Variants in NFIA observed in about 807,000 individuals in gnomAD.
NFIA encodes nuclear factor I A.
In NFIA, 8 loss-of-function variants were observed where a neutral mutation model predicts 62.8. That is an observed-to-expected ratio of 0.13 (90% CI 0.07 to 0.23). NFIA has a LOEUF of 0.23. Among genes scored for constraint, NFIA ranks in the 10% least tolerant of loss-of-function variants. The pLI, the probability that NFIA is intolerant of heterozygous loss-of-function variation, is 1.00. For synonymous variants in NFIA, 235 were observed against 238.1 expected (o/e 0.99, Z 0.12); for missense variants, 410 against 642.1 (o/e 0.64, Z 3.91).
intron 2 of NFIA, among the ~76,000 whole-genome samples, chr1:61,244,879 G>A (rs1363096866): frequency 6.6e-6 from 1 of 152,112 alleles, no homozygotes; most frequent in Non-Finnish European, 1.5e-5. Flanking sequence ...ATTTCTACCT[G>A]TCTAGATTTA....
intron 3 of NFIA, among the ~76,000 whole-genome samples, chr1:61,281,348 C>T (rs533986641): frequency 1.4e-4 from 21 of 152,200 alleles, no homozygotes; most frequent in Admixed American, 1.4e-3. Context: ...ACAGTAAGGA[C>T]TCAAAGGAAG....
chr1:61,138,292 C>T (rs1452376376), intron 2 of NFIA, among the ~76,000 whole-genome samples: 1 of 152,090 alleles, frequency 6.6e-6, no homozygotes, highest in African/African-American at 2.4e-5. Context: ...GATAGGGTCT[C>T]ACCATGTTGC....
At chr1:61,306,642 T>C (rs1247388207) in intron 3 of NFIA, among the ~76,000 whole-genome samples, 1 of 152,154 alleles carries the variant, frequency 6.6e-6, no homozygotes, top group Non-Finnish European at 1.5e-5. Context: ...ACCCACTTCT[T>C]CTTTACCACT....
chr1:61,307,444 T>C (rs573385453), intron 3 of NFIA, among the ~76,000 whole-genome samples: 1 of 152,320 alleles, frequency 6.6e-6, no homozygotes, highest in South Asian at 2.1e-4. Context: ...TTCTGTTGTT[T>C]ATAAGCTACT....
At chr1:61,290,099 A>G (rs548945276) in intron 3 of NFIA, among the ~76,000 whole-genome samples, 16 of 141,968 alleles carry the variant, frequency 1.1e-4, no homozygotes, top group African/African-American at 3.2e-4. Context: ...CTTTTTTTCT[A>G]CAGTCTCAAG....
intron 2 of NFIA, chr1:61,248,902 T>C (rs1430126076): frequency 6.6e-6 from 1 of 152,238 alleles, no homozygotes; most frequent in Non-Finnish European, 1.5e-5. Context: ...AATGTAAAGG[T>C]AGCATCTCAT....
At chr1:61,182,012 T>C (rs1055182519) in intron 2 of NFIA, among the ~76,000 whole-genome samples, 3 of 152,238 alleles carry the variant, frequency 2.0e-5, no homozygotes, top group Admixed American at 6.5e-5. Flanking sequence ...CTTTGTCCTT[T>C]TTCTCCTTGG....
intron 3 of NFIA, among the ~76,000 whole-genome samples, chr1:61,281,128 A>G (rs1158539079): frequency 6.6e-6 from 1 of 151,388 alleles, no homozygotes; most frequent in Non-Finnish European, 1.5e-5. Flanking sequence ...TAATACCACT[A>G]CTCGGGAGGC....
At chr1:61,259,243 G>GA (rs59799072) in intron 2 of NFIA, among the ~76,000 whole-genome samples, 1,917 of 152,244 alleles carry the variant, frequency 0.013, 47 homozygotes, top group African/African-American at 0.044. Flanking sequence ...AGCCTTAATT[G>GA]AAAAATGTAT....
At chr1:61,383,718 G>A (rs996028243) in intron 7 of NFIA, among the ~76,000 whole-genome samples, 7 of 152,322 alleles carry the variant, frequency 4.6e-5, no homozygotes, top group Non-Finnish European at 7.3e-5. Context: ...GCGCACATGC[G>A]CGTGCACACA....
intron 3 of NFIA, among the ~76,000 whole-genome samples, chr1:61,322,029 T>C (rs17121960): frequency 0.084 from 12,849 of 152,228 alleles, 702 homozygotes; most frequent in East Asian, 0.2. Flanking sequence ...AATCATGGAT[T>C]AAAATGGGAT....
At chr1:61,346,437 A>C (rs1662230971) in intron 4 of NFIA, among the ~76,000 whole-genome samples, 1 of 152,248 alleles carries the variant, frequency 6.6e-6, no homozygotes, top group Non-Finnish European at 1.5e-5. Flanking sequence ...CAAAAGAAGG[A>C]CTTAATGCCA....
intron 7 of NFIA, among the ~76,000 whole-genome samples, chr1:61,397,941 G>A (rs1053357689): frequency 6.6e-6 from 1 of 152,206 alleles, no homozygotes; most frequent in African/African-American, 2.4e-5. Flanking sequence ...GATATCAAAG[G>A]TGACCAGATT....
intron 3 of NFIA, among the ~76,000 whole-genome samples, chr1:61,328,923 A>G (rs377444379): frequency 7.2e-6 from 1 of 138,208 alleles, no homozygotes. Flanking sequence ...GGGTTTCACC[A>G]TGTTGGCCAG....
intron 7 of NFIA, among the ~76,000 whole-genome samples, chr1:61,390,568 G>A (rs1278334923): frequency 6.6e-6 from 1 of 152,182 alleles, no homozygotes; most frequent in Non-Finnish European, 1.5e-5. Context: ...TGAAACATCT[G>A]AAGGTCTGAA....
intron 2 of NFIA, among the ~76,000 whole-genome samples, chr1:61,117,832 G>A (rs534273629): frequency 3.0e-4 from 46 of 152,190 alleles, no homozygotes; most frequent in African/African-American, 1.0e-3. Flanking sequence ...CTATAATCTC[G>A]TGATAAAAGT....
intron 4 of NFIA, among the ~76,000 whole-genome samples, chr1:61,344,378 G>A (rs1363833358): frequency 1.3e-5 from 2 of 152,140 alleles, no homozygotes; most frequent in African/African-American, 4.8e-5. Flanking sequence ...GCTGCTATTG[G>A]ACTTTTCCCC....
intron 7 of NFIA, among the ~76,000 whole-genome samples, chr1:61,396,652 T>C (rs531235316): frequency 3.2e-4 from 48 of 152,240 alleles, no homozygotes; most frequent in African/African-American, 7.9e-4. Flanking sequence ...TTCCACTGTT[T>C]CCATGTTTTG....
chr1:61,408,494 G>A (rs978000120), intron 9 of NFIA, among the ~76,000 whole-genome samples: 9 of 152,168 alleles, frequency 5.9e-5, no homozygotes, highest in African/African-American at 2.2e-4. Context: ...ACTGTGCCCT[G>A]TCCATGCCTC....
Sources: gnomAD v4.1 joint callset for allele counts (sites outside exome capture counted in the v4.1 genomes callset) on GRCh38, gnomAD v4.1.1 for gene constraint, MANE v1.5 for transcripts, NCBI Gene and HGNC (gene_info 2026-07-23, HGNC 2026-07-21) for gene names.